The following COLGALT2 variants were observed in gnomAD, a reference collection of about 807,000 sequenced individuals.
COLGALT2 encodes the protein collagen beta(1-O)galactosyltransferase 2.
In COLGALT2, 49 loss-of-function variants were observed where a neutral mutation model predicts 73.4. That is an observed-to-expected ratio of 0.67 (90% CI 0.53 to 0.85). The LOEUF (loss-of-function observed/expected upper bound fraction) is 0.85. Ranked by LOEUF, COLGALT2 falls within the 40% of genes least tolerant of loss-of-function variation. The pLI, the probability that COLGALT2 is intolerant of heterozygous loss-of-function variation, is 0.00. For synonymous variants in COLGALT2, 295 were observed against 307.6 expected (o/e 0.96, Z 0.43); for missense variants, 722 against 790.2 (o/e 0.91, Z 1.03).
In COLGALT2 at chr1:183,936,379, T is replaced by C; in HGVS notation, c.*2382A>G. On this transcript the variant is annotated 3_prime_UTR_variant, in exon 12 of 12. Transcript: ENST00000361927. ...AGAACACTGCTTGGGATTCTAGACCTGAGCAGGGAGAAACAAACCGGGCTA... is the reference window on the plus strand; with the variant it reads ...AGAACACTGCTTGGGATTCTAGACCCGAGCAGGGAGAAACAAACCGGGCTA... 3 of 985,970 alleles carry C rather than the reference T, an allele frequency of 3.0e-6. No individual in the cohort carries two copies. The highest frequency in any genetic ancestry group is 3.6e-6 in the Non-Finnish European group (3 of 830,024). The allele number at this position is 985,970 out of a possible 1,614,324, so 61.1% of individuals were successfully genotyped here.
intron 7 of COLGALT2, among the ~76,000 whole-genome samples, chr1:183,951,618 A>C (rs1670404138): frequency 6.6e-6 from 1 of 152,186 alleles, no homozygotes; most frequent in South Asian, 2.1e-4. Context: ...AAATTTAATA[A>C]TACTCAGGAA....
intron 6 of COLGALT2, among the ~76,000 whole-genome samples, chr1:183,959,276 C>T (rs1460710736): frequency 6.6e-6 from 1 of 152,154 alleles, no homozygotes; most frequent in Non-Finnish European, 1.5e-5. Context: ...CCTTCTGATG[C>T]TGATGATTCT....
At chr1:183,998,918 T>G (rs1448898014) in intron 1 of COLGALT2, among the ~76,000 whole-genome samples, 1 of 152,138 alleles carries the variant, frequency 6.6e-6, no homozygotes, top group Admixed American at 6.5e-5. Context: ...TTCTGCTATA[T>G]TTTTCTACCA....
intron 5 of COLGALT2, among the ~76,000 whole-genome samples, chr1:183,968,401 C>G (rs1057274397): frequency 6.6e-6 from 1 of 152,114 alleles, no homozygotes; most frequent in Non-Finnish European, 1.5e-5. Context: ...TTGTCTTTCT[C>G]AAAAATCTCC....
rs1410450310 is a variant in COLGALT2 at position 183,973,611 on chromosome 1, C to T, written c.627+5G>A. 3.1e-6 allele frequency: 5 copies of T among 1,613,768 alleles called. No homozygotes were observed. The highest frequency in any genetic ancestry group is 4.2e-6 in the Non-Finnish European group (5 of 1,179,894). Reference sequence around the variant, plus strand: ...AGCCTTAATTCATTTAAGCAAAAGACTTGCCTTAGGGGTGATTCCGCACCA... The same window carrying T: ...AGCCTTAATTCATTTAAGCAAAAGATTTGCCTTAGGGGTGATTCCGCACCA... On this transcript the variant is annotated splice_donor_5th_base_variant and intron_variant, in intron 4 of 11. Coordinates refer to ENST00000361927, the MANE Select transcript of COLGALT2 (RefSeq NM_015101.4).
chr1:183,995,691 G>A (rs142535448), intron 1 of COLGALT2, among the ~76,000 whole-genome samples: 1 of 151,982 alleles, frequency 6.6e-6, no homozygotes, highest in Non-Finnish European at 1.5e-5. Flanking sequence ...GAAACCTTTG[G>A]TTTTTCTTCA....
chr1:184,022,024 C>G (rs977028937), intron 1 of COLGALT2, among the ~76,000 whole-genome samples: 10 of 152,174 alleles, frequency 6.6e-5, no homozygotes, highest in African/African-American at 2.4e-4. Context: ...CCAGAGTAAA[C>G]TTGGGGCAGG....
In COLGALT2 at chr1:183,936,994, T is replaced by C; in HGVS notation, c.*1767A>G. The C allele has an allele frequency of 8.1e-7, 1 of 1,231,792 alleles. No homozygotes were observed. Among genetic ancestry groups the C allele is most frequent in the Non-Finnish European group, 1.0e-6 (1 of 987,996 alleles). The allele number at this position is 1,231,792 out of a possible 1,614,324, so 76.3% of individuals were successfully genotyped here. A position where few individuals can be genotyped will look rare whatever the true frequency, so the allele number is the denominator to read the frequency against. On this transcript the variant is annotated 3_prime_UTR_variant, in exon 12 of 12. Transcript: ENST00000361927. Reference sequence around the variant, plus strand: ...ACTACCTATTTGGTGATGAGACAGCTTGGTGATCACTTTCTCTAGACTCTG... The same window carrying C: ...ACTACCTATTTGGTGATGAGACAGCCTGGTGATCACTTTCTCTAGACTCTG...
Position 183,936,145 on chromosome 1 carries a change from A to G in COLGALT2, c.*2616T>C. 1 of 985,664 alleles carries G rather than the reference A, an allele frequency of 1.0e-6. No homozygotes were observed. The highest frequency in any genetic ancestry group is 1.2e-6 in the Non-Finnish European group (1 of 830,098). 61.1% of individuals were successfully genotyped at this position (985,664 alleles called of 1,614,324 possible). A position where few individuals can be genotyped will look rare whatever the true frequency, so the allele number is the denominator to read the frequency against. ...CAGACAGGGTTTAGCCTCCAGAGGCAGAGAGCGGGTGCCAGGCCCAGATGC... is the reference window on the plus strand; with the variant it reads ...CAGACAGGGTTTAGCCTCCAGAGGCGGAGAGCGGGTGCCAGGCCCAGATGC... On this transcript the variant is annotated 3_prime_UTR_variant, in exon 12 of 12. Transcript: ENST00000361927.
At chr1:183,985,671 A>G (rs1482046602) in intron 1 of COLGALT2, among the ~76,000 whole-genome samples, 1 of 152,180 alleles carries the variant, frequency 6.6e-6, no homozygotes, top group Non-Finnish European at 1.5e-5. Flanking sequence ...CTCTGTCACT[A>G]TAGAAGAGGT....
In COLGALT2 at chr1:183,936,075, C is replaced by T. The variant is rs1276753110; in HGVS notation, c.*2686G>A. The T allele has an allele frequency of 8.1e-6, 8 of 985,470 alleles. No individual in the cohort carries two copies. Among genetic ancestry groups the T allele is most frequent in the Non-Finnish European group, 9.6e-6 (8 of 829,984 alleles). The allele number at this position is 985,470 out of a possible 1,614,324, so 61.0% of individuals were successfully genotyped here. On this transcript the variant is annotated 3_prime_UTR_variant, in exon 12 of 12. Transcript: ENST00000361927. ...AGCAGCACCAGCACTGCTGATGTCA[C>T]GGTTGTCTGTCCAGAAGATCCCACG...
chr1:183,939,894 A>G (rs1670061663), intron 11 of COLGALT2, among the ~76,000 whole-genome samples: 1 of 152,210 alleles, frequency 6.6e-6, no homozygotes, highest in South Asian at 2.1e-4. Flanking sequence ...GGCTCTAAGG[A>G]CACAGAGGCA....
At chr1:184,000,380 C>T (rs1671886534) in intron 1 of COLGALT2, among the ~76,000 whole-genome samples, 1 of 151,854 alleles carries the variant, frequency 6.6e-6, no homozygotes, top group South Asian at 2.1e-4. Context: ...TAGTTAACGG[C>T]TATCATAAAA....
At chr1:184,022,462 G>C (rs866383130) in intron 1 of COLGALT2, among the ~76,000 whole-genome samples, 1 of 152,090 alleles carries the variant, frequency 6.6e-6, no homozygotes, top group Admixed American at 6.6e-5. Flanking sequence ...CCAAACAAAC[G>C]ATGTTAGTAC....
intron 1 of COLGALT2, among the ~76,000 whole-genome samples, chr1:184,013,864 T>C (rs888059461): frequency 1.3e-5 from 2 of 151,940 alleles, no homozygotes; most frequent in African/African-American, 4.8e-5. Flanking sequence ...GAGGATTAAG[T>C]AGGAACAACT....
downstream of COLGALT2, among the ~76,000 whole-genome samples, chr1:183,931,315 C>T (rs550100817): frequency 3.3e-5 from 5 of 152,266 alleles, no homozygotes; most frequent in South Asian, 2.1e-4. Context: ...CAAACTATCT[C>T]GGTCAGCTGG....
intron 8 of COLGALT2, chr1:183,945,930 T>G (rs535353131): frequency 5.2e-6 from 1 of 190,970 alleles, no homozygotes; most frequent in South Asian, 1.2e-4. Context: ...CAGTGAGCTT[T>G]GTGAAGTTCA....
intron 7 of COLGALT2, among the ~76,000 whole-genome samples, chr1:183,951,834 C>A: frequency 6.6e-6 from 1 of 151,964 alleles, no homozygotes; most frequent in East Asian, 1.9e-4. Context: ...TTCATAGAAC[C>A]AGAAAAAAAT....
chr1:184,035,349 G>A (rs1557869941), intron 1 of COLGALT2, among the ~76,000 whole-genome samples: 1 of 152,174 alleles, frequency 6.6e-6, no homozygotes, highest in Non-Finnish European at 1.5e-5. Context: ...TATCAAACTA[G>A]TAATAAACAA....
Sources: gnomAD v4.1 joint callset for allele counts (sites outside exome capture counted in the v4.1 genomes callset) on GRCh38, gnomAD v4.1.1 for gene constraint, MANE v1.5 for transcripts, NCBI Gene and HGNC (gene_info 2026-07-23, HGNC 2026-07-21) for gene names.